The following LIFR variants were observed in gnomAD, a reference collection of about 807,000 sequenced individuals.
LIFR encodes LIF receptor subunit alpha.
LIFR carries 84 observed loss-of-function variants against 122.2 expected under a neutral mutation model. The ratio of observed to expected loss-of-function variants is 0.69; its 90% confidence interval spans 0.58 to 0.82. The LOEUF (loss-of-function observed/expected upper bound fraction) is 0.82. LIFR is among the 40% of genes least tolerant of loss of function. The pLI, the probability that LIFR is intolerant of heterozygous loss-of-function variation, is 0.00. For missense variants in LIFR, 1,294 were observed against 1,311.6 expected, an observed-to-expected ratio of 0.99 and a Z score of 0.21; for synonymous variants, 422 against 434.7, an observed-to-expected ratio of 0.97 and a Z score of 0.36.
intron 13 of LIFR, among the ~76,000 whole-genome samples, chr5:38,494,427 A>G (rs930008262): frequency 6.6e-6 from 1 of 150,750 alleles, no homozygotes; most frequent in Non-Finnish European, 1.5e-5. Context: ...AGAAGTCTGC[A>G]CAGCGTCCTA....
At chr5:38,500,424 A>G (rs968321290) in intron 11 of LIFR, among the ~76,000 whole-genome samples, 3 of 152,226 alleles carry the variant, frequency 2.0e-5, no homozygotes, top group African/African-American at 7.2e-5. Flanking sequence ...GGAGGATGGG[A>G]TCCAAGAACA....
intron 1 of LIFR, among the ~76,000 whole-genome samples, chr5:38,550,703 G>A (rs1193937670): frequency 6.6e-6 from 1 of 152,162 alleles, no homozygotes; most frequent in Admixed American, 6.5e-5. Context: ...CTAGGGACAC[G>A]GTGGTAAATC....
intron 14 of LIFR, among the ~76,000 whole-genome samples, chr5:38,492,025 C>T (rs923040352): frequency 1.3e-5 from 2 of 152,132 alleles, no homozygotes; most frequent in Non-Finnish European, 2.9e-5. Context: ...AGAGAGTGGA[C>T]AGCTTAATGA....
At chr5:38,571,059 C>T (rs1049189899) in intron 1 of LIFR, among the ~76,000 whole-genome samples, 2 of 152,204 alleles carry the variant, frequency 1.3e-5, no homozygotes, top group Non-Finnish European at 2.9e-5. Context: ...TGGCTCACAT[C>T]TGTAGAATCT....
intron 5 of LIFR, among the ~76,000 whole-genome samples, chr5:38,513,259 C>T (rs1745901262): frequency 6.6e-6 from 1 of 152,082 alleles, no homozygotes; most frequent in South Asian, 2.1e-4. Flanking sequence ...CCTGAGAAAA[C>T]AAAATCTTAA....
intron 1 of LIFR, among the ~76,000 whole-genome samples, chr5:38,543,050 T>C (rs896859234): frequency 3.3e-5 from 5 of 152,036 alleles, no homozygotes; most frequent in African/African-American, 1.2e-4. Context: ...AAAAAGATGC[T>C]AAAGCAAGAT....
At chr5:38,505,353 G>C (rs973120821) in intron 9 of LIFR, among the ~76,000 whole-genome samples, 2 of 150,802 alleles carry the variant, frequency 1.3e-5, no homozygotes, top group African/African-American at 4.9e-5. Context: ...TCTGTATCTT[G>C]CATGTGGTGG....
rs1489181538 is a variant in LIFR, at chr5:38,489,123, C to T, written c.2290G>A (p.Gly764Arg). 4 of 1,613,006 alleles carry T rather than the reference C, an allele frequency of 2.5e-6. No individual in the cohort carries two copies. The East Asian group carries it at 8.9e-5, about 36-fold the overall frequency. The part of the protein sequence containing the change: ...GFLRGYLFYF[G>R]KGERDTSKMR... ...TTAGATGTGTCTCTTTCTCCTTTTC[C>T]AAAGTAAAACAAATATCCTCTTAAA... The change falls in exon 16 of 20, where the codon GGA becomes AGA. Residue 764 changes from glycine (G) to arginine (R), a missense_variant. Physicochemically the swap from Gly to Arg is moderately radical, Grantham distance 125. Transcript: ENST00000453190.
chr5:38,483,595 A>C (rs187592081), intron 18 of LIFR, among the ~76,000 whole-genome samples: 1 of 152,012 alleles, frequency 6.6e-6, no homozygotes, highest in East Asian at 1.9e-4. Flanking sequence ...ATGCTCAGCT[A>C]ATTTTTTGTA....
intron 1 of LIFR, among the ~76,000 whole-genome samples, chr5:38,582,396 C>T (rs535322035): frequency 1.3e-5 from 2 of 152,266 alleles, no homozygotes; most frequent in East Asian, 1.9e-4. Flanking sequence ...ATCAGTGAGA[C>T]TCAGTTTGGT....
At chr5:38,571,783 T>G (rs981523048) in intron 1 of LIFR, among the ~76,000 whole-genome samples, 4 of 152,202 alleles carry the variant, frequency 2.6e-5, no homozygotes, top group African/African-American at 9.7e-5. Flanking sequence ...AAATGTGTCT[T>G]TTAGTGTGCT....
intron 3 of LIFR, 142 bp from the exon 4 acceptor site, chr5:38,527,436 G>T (rs1746750890): frequency 3.2e-6 from 2 of 619,066 alleles, no homozygotes; most frequent in Admixed American, 5.7e-5. Flanking sequence ...CGCATTTTAA[G>T]ACTGAAAAAA....
At chr5:38,578,672 C>A (rs769665260) in intron 1 of LIFR, among the ~76,000 whole-genome samples, 15 of 152,002 alleles carry the variant, frequency 9.9e-5, no homozygotes, top group Non-Finnish European at 2.1e-4. Flanking sequence ...ATGTCTCAGC[C>A]TCCTGAGTAG....
chr5:38,501,988 T>A (rs1745206894), intron 11 of LIFR, among the ~76,000 whole-genome samples: 1 of 150,596 alleles, frequency 6.6e-6, no homozygotes, highest in Non-Finnish European at 1.5e-5. Flanking sequence ...ATTGTTTTTT[T>A]TTTTTAAAAA....
At chr5:38,493,106 T>C (rs528126169) in intron 14 of LIFR, among the ~76,000 whole-genome samples, 153 of 152,232 alleles carry the variant, frequency 1.0e-3, no homozygotes, top group Non-Finnish European at 1.8e-3. Flanking sequence ...GGTTAAGTGG[T>C]AAGGGGTTCA....
intron 1 of LIFR, among the ~76,000 whole-genome samples, chr5:38,590,691 C>T (rs1749894763): frequency 1.3e-5 from 2 of 152,176 alleles, no homozygotes; most frequent in African/African-American, 4.8e-5. Flanking sequence ...CTGTTCCAAG[C>T]TCTTTGCAAG....
chr5:38,607,309 A>G (rs2112788762), intron 1 of LIFR, among the ~76,000 whole-genome samples: 1 of 152,292 alleles, frequency 6.6e-6, no homozygotes, highest in Non-Finnish European at 1.5e-5. Flanking sequence ...TCGCATTTTC[A>G]TCTAAGAAAG....
At chr5:38,574,829 T>C (rs898560514) in intron 1 of LIFR, among the ~76,000 whole-genome samples, 3 of 152,182 alleles carry the variant, frequency 2.0e-5, no homozygotes, top group African/African-American at 7.2e-5. Context: ...CTTGAGCCTA[T>C]CCAAACCTTC....
At chr5:38,537,947 T>G (rs1747380175) in intron 1 of LIFR, among the ~76,000 whole-genome samples, 1 of 152,138 alleles carries the variant, frequency 6.6e-6, no homozygotes, top group Non-Finnish European at 1.5e-5. Flanking sequence ...TAGATCAGAT[T>G]TCTCTATTTT....
Sources: allele counts gnomAD v4.1 joint callset (sites outside exome capture counted in the v4.1 genomes callset), GRCh38; gene constraint gnomAD v4.1.1; transcripts MANE v1.5; gene names NCBI Gene and HGNC (gene_info 2026-07-23, HGNC 2026-07-21).